LRRC56: variants seen among roughly 807,000 people sequenced by gnomAD.
The protein encoded by LRRC56 is leucine rich repeat containing 56.
LRRC56 carries 41 observed loss-of-function variants against 47.8 expected under a neutral mutation model. The ratio of observed to expected loss-of-function variants is 0.86; its 90% CI spans 0.67 to 1.11. The LOEUF (loss-of-function observed/expected upper bound fraction) is 1.11, where lower values mean the gene tolerates loss of function less well. Ranked by LOEUF, LRRC56 falls within the 50% of genes most tolerant of loss-of-function variation. The pLI is 0.00. For missense variants in LRRC56, 759 were observed against 704.2 expected, an observed-to-expected ratio of 1.08 and a Z score of -0.88; for synonymous variants, 387 against 311.2, an observed-to-expected ratio of 1.24 and a Z score of -2.56.
At chr11:507,305 G>C in the LRRC56 span, 1 of 152,084 alleles carries the variant, frequency 6.6e-6, no homozygotes, top group East Asian at 1.9e-4. Flanking sequence ...CTCGGCGCGG[G>C]GGCGGGGCCT....
At chr11:534,018 G>C (rs2133992716), upstream of LRRC56, 1 of 1,506,586 alleles carries the variant, frequency 6.6e-7, no homozygotes, top group Non-Finnish European at 9.1e-7. Flanking sequence ...GCCTCTCCCT[G>C]GTACCTCTCA....
chr11:507,167 A>G, the LRRC56 span: 2 of 152,102 alleles, frequency 1.3e-5, no homozygotes, highest in African/African-American at 2.4e-5. Context: ...GAGACGGCCT[A>G]CTTCGTTCTC....
upstream of LRRC56, chr11:533,541 G>A (rs376667492): frequency 6.2e-7 from 1 of 1,613,766 alleles, no homozygotes; most frequent in East Asian, 2.2e-5. Context: ...AGTGCGTGCA[G>A]CCAGGTCACA....
chr11:508,090 G>T, the LRRC56 span, among the ~76,000 whole-genome samples: 2 of 152,244 alleles, frequency 1.3e-5, no homozygotes, highest in Admixed American at 1.3e-4. Context: ...GGCAGATGAA[G>T]ATTGCAAGTA....
the LRRC56 span, among the ~76,000 whole-genome samples, chr11:508,623 C>T: frequency 4.0e-5 from 6 of 151,480 alleles, no homozygotes; most frequent in African/African-American, 1.5e-4. Context: ...AAAAATTAGC[C>T]AGGCATGGTG....
chr11:523,547 C>T, the LRRC56 span, among the ~76,000 whole-genome samples: 1 of 151,404 alleles, frequency 6.6e-6, no homozygotes, highest in Non-Finnish European at 1.5e-5. Flanking sequence ...AGGAGAATCG[C>T]TTGAACCCTG....
chr11:535,306 C>CGCCGCCGCT (rs1554885558), upstream of LRRC56: 12 of 146,208 alleles, frequency 8.2e-5, no homozygotes, highest in African/African-American at 2.5e-4. Context: ...CCGCCGCCGC[C>CGCCGCCGCT]GCCGCCGCTT....
chr11:527,680 C>CA, the LRRC56 span, among the ~76,000 whole-genome samples: 1 of 150,674 alleles, frequency 6.6e-6, no homozygotes, highest in Non-Finnish European at 1.5e-5. Flanking sequence ...TACAGGCGCC[C>CA]GCCACCACGC....
At chr11:535,125 C>G (rs966285415), upstream of LRRC56, 66 of 152,042 alleles carry the variant, frequency 4.3e-4, 1 homozygote, top group African/African-American at 1.6e-3. Context: ...TGTGAGGGCG[C>G]CGGGCCCGAG....
the LRRC56 span, among the ~76,000 whole-genome samples, chr11:510,980 A>C: frequency 6.6e-6 from 1 of 151,972 alleles, no homozygotes; most frequent in Non-Finnish European, 1.5e-5. Context: ...TAAAGTGCAC[A>C]TAGCGCAAGT....
chr11:532,770 A>G (rs1644141623), upstream of LRRC56: 1 of 1,611,464 alleles, frequency 6.2e-7, no homozygotes, highest in Non-Finnish European at 8.5e-7. Context: ...GAAAGGAGGG[A>G]TGGGATCAGG....
the LRRC56 span, among the ~76,000 whole-genome samples, chr11:515,224 G>A: frequency 0.098 from 14,842 of 152,118 alleles, 1,005 homozygotes; most frequent in Admixed American, 0.19. Flanking sequence ...CCGGAGACAC[G>A]AATGATGGGA....
the LRRC56 span, among the ~76,000 whole-genome samples, chr11:518,515 G>A: frequency 6.6e-6 from 1 of 152,258 alleles, no homozygotes; most frequent in East Asian, 1.9e-4. Context: ...TGTTGGTAGA[G>A]ATGGGGTTTC....
the LRRC56 span, among the ~76,000 whole-genome samples, chr11:525,490 G>A: frequency 6.6e-6 from 1 of 151,806 alleles, no homozygotes. Flanking sequence ...AGTGAGCCGA[G>A]ATCGCGCCAC....
chr11:520,428 C>G, the LRRC56 span, among the ~76,000 whole-genome samples: 2 of 152,008 alleles, frequency 1.3e-5, no homozygotes, highest in Non-Finnish European at 2.9e-5. Flanking sequence ...TCCAGTGATT[C>G]TCCTGCCTCA....
chr11:518,977 G>C, the LRRC56 span, among the ~76,000 whole-genome samples: 2 of 151,560 alleles, frequency 1.3e-5, no homozygotes, highest in Admixed American at 6.6e-5. Flanking sequence ...GCCCCAAGAC[G>C]CGGCGCGCTT....
upstream of LRRC56, chr11:534,159 C>A: frequency 7.0e-7 from 1 of 1,435,202 alleles, no homozygotes; most frequent in Non-Finnish European, 9.8e-7. Flanking sequence ...CTGGCTGTGT[C>A]CTGGGCTCGC....
At chr11:524,858 C>G in the LRRC56 span, among the ~76,000 whole-genome samples, 2 of 151,388 alleles carry the variant, frequency 1.3e-5, no homozygotes, top group Non-Finnish European at 2.9e-5. Context: ...TTTGGGAGGC[C>G]GAGGCGGGTG....
At chr11:534,324 G>T (rs757657838), upstream of LRRC56, 1 of 1,610,152 alleles carries the variant, frequency 6.2e-7, no homozygotes, top group Non-Finnish European at 8.5e-7. Context: ...TTCCGTCATC[G>T]CTCCTCAGGG....
Sources: allele counts gnomAD v4.1 joint callset (sites outside exome capture counted in the v4.1 genomes callset), GRCh38; gene constraint gnomAD v4.1.1; transcripts MANE v1.5; gene names NCBI Gene and HGNC (gene_info 2026-07-23, HGNC 2026-07-21).